Variants in RAVER1 observed in about 807,000 individuals in gnomAD.
The protein encoded by RAVER1 is ribonucleoprotein, PTB binding 1, also known as ribonucleoprotein PTB-binding 1.
In RAVER1, 36 loss-of-function variants were observed where a neutral mutation model predicts 68.4. The observed-to-expected ratio is 0.53, with a 90% confidence interval of 0.40 to 0.70. RAVER1 has a LOEUF of 0.70. Ranked by LOEUF, RAVER1 falls within the 30% of genes least tolerant of loss-of-function variation. RAVER1 has a pLI of 0.00. For missense variants in RAVER1, 933 were observed against 1,019.8 expected, an observed-to-expected ratio of 0.91 and a Z score of 1.16; for synonymous variants, 469 against 472.7, an observed-to-expected ratio of 0.99 and a Z score of 0.10.
Position 10,317,652 on chromosome 19 carries a change from G to A in RAVER1, c.2073+38C>T, listed in dbSNP as rs1206461009. On this transcript the variant is annotated intron_variant, in intron 12 of 12. Coordinates refer to ENST00000617231, the MANE Select transcript of RAVER1 (RefSeq NM_133452.3). The surrounding 1 kb of genome is among the most constrained non-coding windows in gnomAD (Gnocchi z 4.3). The stretch of plus-strand genomic sequence containing the variant: ...GGTCAGGGGCCGCTGGGGGGCCGGG[G>A]CTTCCCAGCCCTGCATGTCCCCACC... 3 of 1,538,654 alleles carry A rather than the reference G, an allele frequency of 1.9e-6. No homozygotes were observed. Among genetic ancestry groups the A allele is most frequent in the South Asian group, 2.3e-5 (2 of 85,456 alleles).
intron 8 of RAVER1, 39 bp from the exon 9 acceptor site, chr19:10,320,990 G>A (rs2040432507): frequency 1.3e-6 from 2 of 1,486,010 alleles, no homozygotes; most frequent in African/African-American, 1.5e-5. Context: ...GCCCCCGGGA[G>A]AGGGAACCCT....
In RAVER1 at chr19:10,316,459, C is replaced by T. The variant is rs2040388474; in HGVS notation, c.*995G>A. The T allele has an allele frequency of 2.9e-5, 29 of 995,906 alleles. No individual in the cohort carries two copies. The South Asian group carries it at 1.2e-3, about 40-fold the overall frequency. 61.7% of individuals were successfully genotyped at this position (995,906 alleles called of 1,614,324 possible). On this transcript the variant is annotated 3_prime_UTR_variant, in exon 13 of 13. Transcript: ENST00000617231. ...TTTCTGGCACTGGGCTGGAAGGAGGCCAGCTCCAGGGATCTGGCCGGGGGT... is the reference window on the plus strand; with the variant it reads ...TTTCTGGCACTGGGCTGGAAGGAGGTCAGCTCCAGGGATCTGGCCGGGGGT...
chr19:10,321,747 G>A (rs1320336524), intron 6 of RAVER1, 129 bp from the exon 7 acceptor site: 5 of 616,058 alleles, frequency 8.1e-6, no homozygotes, highest in Non-Finnish European at 1.2e-5. Flanking sequence ...GACAGGCACA[G>A]GGTTCCCCAG....
rs1002310878 is a variant in RAVER1 at position 10,323,731 on chromosome 19, A to C, written c.757-165T>G. On this transcript the variant is annotated intron_variant, in intron 3 of 12. Coordinates refer to ENST00000617231, the MANE Select transcript of RAVER1 (RefSeq NM_133452.3). This position sits in a 1 kb window ranked among gnomAD's most constrained non-coding sequence, Gnocchi z 6.2. ...CTGCATCAGCTCATCTGATTTTCCC[A>C]ATGACCCTGGGAGGCTGCATCATAC... Among the ~76,000 whole-genome samples the C allele has an allele frequency of 1.3e-5, 2 of 151,980 alleles. No individual in the cohort carries two copies. Among genetic ancestry groups the C allele is most frequent in the African/African-American group, 4.8e-5 (2 of 41,382 alleles).
Position 10,321,028 on chromosome 19 carries a change from C to G in RAVER1, c.1473+20G>C. On this transcript the variant is annotated intron_variant, in intron 8 of 12. Coordinates refer to ENST00000617231, the MANE Select transcript of RAVER1 (RefSeq NM_133452.3). ...GGAACAGGAGGCTGGTGTGGTGCCG[C>G]GCGCAGGGCAGGGCCTTACCCCAGG... 6.9e-7 allele frequency: 1 copy of G among 1,451,580 alleles called. No individual in the cohort carries two copies. Among genetic ancestry groups the G allele is most frequent in the Non-Finnish European group, 9.0e-7 (1 of 1,105,656 alleles). The allele number at this position is 1,451,580 out of a possible 1,614,324, so 89.9% of individuals were successfully genotyped here. A position where few individuals can be genotyped will look rare whatever the true frequency, so the allele number is the denominator to read the frequency against.
Position 10,323,331 on chromosome 19 carries a change from G to C in RAVER1, c.948+44C>G. On this transcript the variant is annotated intron_variant, in intron 4 of 12. Transcript: ENST00000617231. The surrounding 1 kb of genome is among the most constrained non-coding windows in gnomAD (Gnocchi z 6.2). ...CCGCTGGGGCCCTGACATCCCCATG[G>C]GGCTCCCATCCCCACCCCGCCACCT... 1 of 1,609,964 alleles carries C rather than the reference G, an allele frequency of 6.2e-7. No homozygotes were observed. Among genetic ancestry groups the C allele is most frequent in the Non-Finnish European group, 8.5e-7 (1 of 1,178,224 alleles).
Position 10,317,290 on chromosome 19 carries a change from C to G in RAVER1, c.*164G>C. 2 of 742,812 alleles carry G rather than the reference C, an allele frequency of 2.7e-6. No homozygotes were observed. The highest frequency in any genetic ancestry group is 4.5e-6 in the Non-Finnish European group (2 of 441,184). The allele number at this position is 742,812 out of a possible 1,614,324, so 46.0% of individuals were successfully genotyped here. On this transcript the variant is annotated 3_prime_UTR_variant, in exon 13 of 13. Transcript: ENST00000617231. This position sits in a 1 kb window ranked among gnomAD's most constrained non-coding sequence, Gnocchi z 4.3. ...AATGAGGCCTCCAGACTCCCCCACA[C>G]CCCTTGGGCTCCTGGGGCTCCGGCT...
In RAVER1 at chr19:10,323,488, G is replaced by C. The variant is rs2040453852; in HGVS notation, c.835C>G (p.Gln279Glu). The change falls in exon 4 of 13, where the codon CAG becomes GAG. Residue 279 changes from glutamine (Q) to glutamate (E), a missense_variant. Gln to Glu is a conservative substitution (Grantham distance 29). Around this residue, in one of 3 missense-constraint regions of RAVER1, gnomAD observed 699 missense variants for 731.1 expected, o/e 0.96. Coordinates refer to ENST00000617231, the MANE Select transcript of RAVER1 (RefSeq NM_133452.3). This position sits in a 1 kb window ranked among gnomAD's most constrained non-coding sequence, Gnocchi z 6.2. ...AGGGACAGGCCGTCCGCCTGCTGCTGTGCCTCCTCCGCCATCTCAGCCGTC... is the reference window on the plus strand; with the variant it reads ...AGGGACAGGCCGTCCGCCTGCTGCTCTGCCTCCTCCGCCATCTCAGCCGTC... ...YETAEMAEEA[Q>E]QQADGLSLGG... 1 of 1,609,606 alleles carries C rather than the reference G, an allele frequency of 6.2e-7. No homozygotes were observed.
At position 10,317,811 on chromosome 19, in the gene RAVER1, G is replaced by C. The variant is rs777938066; in HGVS notation, c.1990-38C>G. On this transcript the variant is annotated intron_variant, in intron 11 of 12. Coordinates refer to ENST00000617231, the MANE Select transcript of RAVER1 (RefSeq NM_133452.3). This position sits in a 1 kb window ranked among gnomAD's most constrained non-coding sequence, Gnocchi z 4.3. The stretch of plus-strand genomic sequence containing the variant: ...GAGAGGTGGAACAGGTCACTCCCTG[G>C]GGGCCAGAGGAAGCACCCACCCCGC... The C allele has an allele frequency of 1.7e-5, 22 of 1,270,988 alleles. No homozygotes were observed. In the Middle Eastern group the frequency reaches 7.7e-4, roughly 44 times the overall value. 78.7% of individuals were successfully genotyped at this position (1,270,988 alleles called of 1,614,324 possible).
At chr19:10,321,663 C>T (rs764711519) in intron 6 of RAVER1, 45 bp from the exon 7 acceptor site, 4 of 1,358,412 alleles carry the variant, frequency 2.9e-6, no homozygotes, top group African/African-American at 3.0e-5. Context: ...CAGGGTGGCC[C>T]AGGGAAGCAG....
Position 10,323,399 on chromosome 19 carries a change from G to A in RAVER1, c.924C>T (p.Ala308=), listed in dbSNP as rs549693594. The change falls in exon 4 of 13, where the codon GCC becomes GCT. Residue 308 remains alanine (A), a synonymous_variant. Transcript: ENST00000617231. The surrounding 1 kb of genome is among the most constrained non-coding windows in gnomAD (Gnocchi z 6.2). The stretch of plus-strand genomic sequence containing the variant: ...CCGTGGCCTGGGCAGCGATGAGAGC[G>A]GCCAGCATACTGCGGCCGGGGGGCC... ...APGPPGRSML[A]ALIAAQATAL... The A allele has an allele frequency of 1.7e-5, 27 of 1,606,136 alleles. No individual in the cohort carries two copies. The highest frequency in any genetic ancestry group is 1.3e-4 in the African/African-American group (10 of 74,824).
At chr19:10,324,253 G>A (rs1197375162) in intron 3 of RAVER1, among the ~76,000 whole-genome samples, 2 of 152,172 alleles carry the variant, frequency 1.3e-5, no homozygotes, top group Non-Finnish European at 2.9e-5. Context: ...TAAGGGAAGT[G>A]GTTGGGCTGG....
chr19:10,326,006 A>C (rs1016972679), intron 3 of RAVER1, among the ~76,000 whole-genome samples: 1 of 152,162 alleles, frequency 6.6e-6, no homozygotes, highest in Non-Finnish European at 1.5e-5. Flanking sequence ...CTGTAATCTC[A>C]GCACTTGGGG....
rs561793507 is a variant in RAVER1, at chr19:10,323,150, T to C, written c.1073A>G (p.Lys358Arg). The change falls in exon 5 of 13, where the codon AAG becomes AGG. Residue 358 changes from lysine to arginine, a missense_variant. Lys to Arg is a conservative substitution (Grantham distance 26). This residue lies in a region of RAVER1 where 699 missense variants were observed against 731.1 expected (regional missense o/e 0.96). Transcript: ENST00000617231. The surrounding 1 kb of genome is among the most constrained non-coding windows in gnomAD (Gnocchi z 6.2). Reference protein sequence around the residue: ...NPLLHGSAGGKQGLLGAPPAM... With the variant: ...NPLLHGSAGGRQGLLGAPPAM... Reference sequence around the variant, plus strand: ...CCTGTCCAGCCCCACCTTACCCTGCTTCCCCCCCGCACTGCCATGGAGCAG... The same window carrying C: ...CCTGTCCAGCCCCACCTTACCCTGCCTCCCCCCCGCACTGCCATGGAGCAG... 6.3e-6 allele frequency: 10 copies of C among 1,595,686 alleles called. No homozygotes were observed. The highest frequency in any genetic ancestry group is 8.5e-6 in the Non-Finnish European group (10 of 1,171,610).
In RAVER1 at chr19:10,316,676, G is replaced by A. The variant is rs2040391052; in HGVS notation, c.*778C>T. The A allele has an allele frequency of 6.8e-6, 4 of 585,018 alleles. No individual in the cohort carries two copies. The highest frequency in any genetic ancestry group is 4.0e-5 in the African/African-American group (2 of 49,826). The allele number at this position is 585,018 out of a possible 1,614,324, so 36.2% of individuals were successfully genotyped here. ...AAGATGAAGGCTTTCCCCTTCTACT[G>A]TCCCCAGGGTGGAGATCCTGGGTAG... is the stretch of plus-strand genomic sequence containing the variant. On this transcript the variant is annotated 3_prime_UTR_variant, in exon 13 of 13. Coordinates refer to ENST00000617231, the MANE Select transcript of RAVER1 (RefSeq NM_133452.3).
Position 10,317,616 on chromosome 19 carries a change from A to AGGGCG in RAVER1, c.2074-21_2074-17dup. On this transcript the variant is annotated splice_polypyrimidine_tract_variant and intron_variant, in intron 12 of 12. Coordinates refer to ENST00000617231, the MANE Select transcript of RAVER1 (RefSeq NM_133452.3). The surrounding 1 kb of genome is among the most constrained non-coding windows in gnomAD (Gnocchi z 4.3). ...CCAGTGGGGTCTGGAGACAGAGGGC[A>AGGGCG]GGGCGGGGCGGGTCAGGGGCCGCTG... 8.8e-7 allele frequency: 1 copy of AGGGCG among 1,141,300 alleles called. No homozygotes were observed. Among genetic ancestry groups the AGGGCG allele is most frequent in the Non-Finnish European group, 1.2e-6 (1 of 808,562 alleles). The allele number at this position is 1,141,300 out of a possible 1,614,324, so 70.7% of individuals were successfully genotyped here.
At position 10,328,549 on chromosome 19, in the gene RAVER1, C is replaced by CAA. The variant is rs144646475; in HGVS notation, c.756+91_756+92dup. 4.1e-3 allele frequency: 2,936 copies of CAA among 721,548 alleles called. No homozygotes were observed. Among genetic ancestry groups the CAA allele is most frequent in the Non-Finnish European group, 4.9e-3 (2,323 of 470,144 alleles). 44.7% of individuals were successfully genotyped at this position (721,548 alleles called of 1,614,324 possible). On this transcript the variant is annotated intron_variant, in intron 3 of 12. Transcript: ENST00000617231. This position sits in a 1 kb window ranked among gnomAD's most constrained non-coding sequence, Gnocchi z 4.4. The stretch of plus-strand genomic sequence containing the variant: ...CATGGGTGACAAAGTGAGACTGTCT[C>CAA]AAAAAAAAAAAAGAAAAGGCAGATG...
intron 1 of RAVER1, among the ~76,000 whole-genome samples, chr19:10,332,597 A>AT (rs1247233792): frequency 6.6e-6 from 1 of 152,214 alleles, no homozygotes; most frequent in African/African-American, 2.4e-5. Flanking sequence ...GCAGGGCAGT[A>AT]TAGATGCCAT....
At chr19:10,321,641 T>C (rs769431253) in intron 6 of RAVER1, 23 bp from the exon 7 acceptor site, 6 of 1,404,506 alleles carry the variant, frequency 4.3e-6, no homozygotes, top group Non-Finnish European at 1.9e-6. Context: ...CACAGACAGT[T>C]GCAGATGGGG....
Sources: gnomAD v4.1 joint callset for allele counts (sites outside exome capture counted in the v4.1 genomes callset) on GRCh38, gnomAD v4.1.1 for gene constraint, gnomAD v4.1.1 regional missense constraint, Gnocchi (gnomAD v3.1) non-coding constraint, MANE v1.5 for transcripts, NCBI Gene and HGNC (gene_info 2026-07-23, HGNC 2026-07-21) for gene names.